Variants in AGBL1 observed in about 807,000 individuals in gnomAD.
The protein encoded by AGBL1 is AGBL carboxypeptidase 1.
AGBL1 carries 130 observed loss-of-function variants against 118.9 expected under a neutral mutation model. The ratio of observed to expected loss-of-function variants is 1.09; its 90% CI spans 0.95 to 1.26. The LOEUF (loss-of-function observed/expected upper bound fraction) is 1.26, where lower values mean the gene tolerates loss of function less well. AGBL1 is among the 50% of genes most tolerant of loss of function. AGBL1 has a pLI of 0.00. For missense variants in AGBL1, 1,584 were observed against 1,298.1 expected (o/e 1.22, Z -3.38); for synonymous variants, 555 against 478.9 (o/e 1.16, Z -2.08).
At chr15:86,856,478 A>G (rs879470855) in intron 22 of AGBL1, among the ~76,000 whole-genome samples, 3 of 152,168 alleles carry the variant, frequency 2.0e-5, no homozygotes, top group South Asian at 2.1e-4. Flanking sequence ...GAAATAGGCA[A>G]ATGTCTTTGT....
At chr15:86,515,357 A>G (rs1200984504) in intron 18 of AGBL1, among the ~76,000 whole-genome samples, 1 of 152,104 alleles carries the variant, frequency 6.6e-6, no homozygotes, top group Non-Finnish European at 1.5e-5. Context: ...GGCTTTAGGA[A>G]TGTGTGCATG....
At chr15:86,304,195 T>C (rs755240555) in intron 17 of AGBL1, among the ~76,000 whole-genome samples, 6 of 152,170 alleles carry the variant, frequency 3.9e-5, no homozygotes, top group African/African-American at 9.7e-5. Context: ...TCTACAATAC[T>C]CTGCATTCCT....
intron 22 of AGBL1, among the ~76,000 whole-genome samples, chr15:86,904,545 A>G (rs2080255067): frequency 6.7e-6 from 1 of 148,974 alleles, no homozygotes. Context: ...ATATATGTTT[A>G]TAACATATTA....
chr15:86,083,901 T>C (rs1895459423), intron 1 of AGBL1, among the ~76,000 whole-genome samples: 1 of 152,206 alleles, frequency 6.6e-6, no homozygotes, highest in Non-Finnish European at 1.5e-5. Flanking sequence ...GCTTTTCCCT[T>C]GGACTTAAAC....
At chr15:87,029,207 C>G (rs73450874), downstream of AGBL1, among the ~76,000 whole-genome samples, 7,338 of 151,910 alleles carry the variant, frequency 0.048, 589 homozygotes, top group African/African-American at 0.17. Flanking sequence ...AAGGCAGCTT[C>G]CATATTTGAA....
intron 5 of AGBL1, among the ~76,000 whole-genome samples, chr15:86,222,538 A>C (rs1186334261): frequency 2.0e-5 from 3 of 152,066 alleles, no homozygotes; most frequent in African/African-American, 7.2e-5. Context: ...AATTTAAAAA[A>C]CCAAATGGCT....
chr15:86,085,087 T>C (rs376562650), intron 1 of AGBL1, among the ~76,000 whole-genome samples: 2 of 152,160 alleles, frequency 1.3e-5, no homozygotes, highest in South Asian at 2.1e-4. Flanking sequence ...GTATAGGAGC[T>C]AGGAGGAAGA....
chr15:86,919,931 C>A (rs958591142), downstream of AGBL1, among the ~76,000 whole-genome samples: 2 of 152,112 alleles, frequency 1.3e-5, no homozygotes, highest in Admixed American at 1.3e-4. Context: ...CCATGGGCCT[C>A]AGGAGTAAAG....
intron 22 of AGBL1, among the ~76,000 whole-genome samples, chr15:86,826,444 A>G (rs1299841526): frequency 6.6e-6 from 1 of 152,126 alleles, no homozygotes; most frequent in Non-Finnish European, 1.5e-5. Context: ...TTACCATCTG[A>G]TAATATTTTC....
intron 21 of AGBL1, among the ~76,000 whole-genome samples, chr15:86,637,066 A>G (rs1385232193): frequency 1.3e-5 from 2 of 152,040 alleles, no homozygotes; most frequent in Admixed American, 6.6e-5. Context: ...ATTCTGAAGT[A>G]TGGGAGCACC....
intron 18 of AGBL1, among the ~76,000 whole-genome samples, chr15:86,414,232 A>G (rs904041893): frequency 7.2e-5 from 11 of 152,170 alleles, no homozygotes; most frequent in Admixed American, 5.2e-4. Context: ...TACACTGTAC[A>G]TTATTCAGGT....
At chr15:86,260,388 G>C (rs368826039) in intron 9 of AGBL1, among the ~76,000 whole-genome samples, 3 of 152,158 alleles carry the variant, frequency 2.0e-5, no homozygotes, top group African/African-American at 4.8e-5. Context: ...GGAAAGTAGG[G>C]TGCCATGATT....
intron 19 of AGBL1, among the ~76,000 whole-genome samples, chr15:86,535,192 T>C (rs1257437603): frequency 6.6e-6 from 1 of 152,222 alleles, no homozygotes; most frequent in Non-Finnish European, 1.5e-5. Context: ...AAGGTCTGTT[T>C]AGAAGTCAGA....
chr15:86,517,798 C>G, intron 18 of AGBL1, among the ~76,000 whole-genome samples: 1 of 149,386 alleles, frequency 6.7e-6, no homozygotes, highest in South Asian at 2.1e-4. Context: ...TGGTTTTTTC[C>G]TCTTTTTTCT....
intron 7 of AGBL1, among the ~76,000 whole-genome samples, chr15:86,252,676 T>C (rs1367291326): frequency 3.3e-5 from 5 of 152,124 alleles, no homozygotes; most frequent in African/African-American, 1.2e-4. Context: ...GGAGAGCGTT[T>C]TGAAAAGTCT....
intron 17 of AGBL1, among the ~76,000 whole-genome samples, chr15:86,304,183 C>A (rs2079800218): frequency 6.6e-6 from 1 of 152,106 alleles, no homozygotes; most frequent in Non-Finnish European, 1.5e-5. Flanking sequence ...AATATTACTG[C>A]CTCTACAATA....
At chr15:86,757,797 C>G (rs986365582) in intron 22 of AGBL1, among the ~76,000 whole-genome samples, 2 of 152,056 alleles carry the variant, frequency 1.3e-5, no homozygotes, top group Admixed American at 1.3e-4. Flanking sequence ...AGTTTCTAGC[C>G]TTGAACTATG....
intron 21 of AGBL1, 134 bp downstream of exon 21, chr15:86,554,671 A>G: frequency 5.7e-6 from 5 of 884,308 alleles, no homozygotes; most frequent in Non-Finnish European, 1.5e-6. Context: ...CTTGCCTTGA[A>G]AAACGGGTTC....
At chr15:86,729,462 C>T (rs2077500137) in intron 22 of AGBL1, among the ~76,000 whole-genome samples, 2 of 152,212 alleles carry the variant, frequency 1.3e-5, no homozygotes, top group South Asian at 4.2e-4. Flanking sequence ...CAGTGTCTAC[C>T]GTTGCCATCT....
Sources: gnomAD v4.1 joint callset for allele counts (sites outside exome capture counted in the v4.1 genomes callset) on GRCh38, gnomAD v4.1.1 for gene constraint, MANE v1.5 for transcripts, NCBI Gene and HGNC (gene_info 2026-07-23, HGNC 2026-07-21) for gene names.